Variants in LHX4 observed in about 807,000 individuals in gnomAD.
The protein encoded by LHX4 is LIM homeobox 4, also known as LIM/homeobox protein Lhx4.
In LHX4, 16 loss-of-function variants were observed where a neutral mutation model predicts 39.2. That is an observed-to-expected ratio of 0.41 (90% confidence interval 0.28 to 0.62). The LOEUF is 0.62. Ranked by LOEUF, LHX4 falls within the 20% of genes least tolerant of loss-of-function variation. LHX4 has a pLI of 0.33. For missense variants in LHX4, 439 were observed against 511.9 expected (o/e 0.86, Z 1.37); for synonymous variants, 206 against 198.1 (o/e 1.04, Z -0.33).
intron 2 of LHX4, among the ~76,000 whole-genome samples, chr1:180,259,013 A>T (rs1195843596): frequency 6.6e-6 from 1 of 151,454 alleles, no homozygotes; most frequent in Non-Finnish European, 1.5e-5. Context: ...TTGGTTTTGG[A>T]CTCCAAATCC....
At chr1:180,237,798 C>A (rs191957099) in intron 1 of LHX4, among the ~76,000 whole-genome samples, 83 of 152,300 alleles carry the variant, frequency 5.4e-4, no homozygotes, top group Non-Finnish European at 1.1e-3. Context: ...ACAAAACTTG[C>A]AGCCAAATTA....
chr1:180,269,289 G>C (rs2149264638), intron 3 of LHX4, among the ~76,000 whole-genome samples: 1 of 152,216 alleles, frequency 6.6e-6, no homozygotes, highest in Admixed American at 6.5e-5. Context: ...GGTATCATGG[G>C]CTCCCTTGGC....
chr1:180,238,688 T>C (rs903579440), intron 1 of LHX4, among the ~76,000 whole-genome samples: 1 of 152,194 alleles, frequency 6.6e-6, no homozygotes, highest in Non-Finnish European at 1.5e-5. Context: ...GTTGTGAAAA[T>C]CCCTTAAGAG....
At chr1:180,257,512 C>T (rs57529437) in intron 2 of LHX4, among the ~76,000 whole-genome samples, 22 of 152,302 alleles carry the variant, frequency 1.4e-4, no homozygotes, top group African/African-American at 4.6e-4. Flanking sequence ...CTGGAGAAGG[C>T]TGCCCATTCT....
intron 2 of LHX4, among the ~76,000 whole-genome samples, chr1:180,258,683 T>C (rs1001580092): frequency 6.6e-6 from 1 of 152,102 alleles, no homozygotes; most frequent in East Asian, 1.9e-4. Flanking sequence ...TCACTTCTAT[T>C]GTCTCACCTA....
At chr1:180,243,587 G>A (rs770454086) in intron 1 of LHX4, among the ~76,000 whole-genome samples, 3 of 152,014 alleles carry the variant, frequency 2.0e-5, no homozygotes, top group Non-Finnish European at 2.9e-5. Context: ...CTGGAGTGTG[G>A]GGTCTGAGTT....
In LHX4 at chr1:180,234,169, T is replaced by TTTTATATATA; in HGVS notation, c.76+3565_76+3566insTTATATATAT. Among the ~76,000 whole-genome samples, 1 of 53,610 alleles carries TTTTATATATA rather than the reference T, an allele frequency of 1.9e-5. No individual in the cohort carries two copies. Among genetic ancestry groups the TTTTATATATA allele is most frequent in the Admixed American group, 2.5e-4 (1 of 4,012 alleles). The allele number at this position is 53,610 out of a possible 152,430, so 35.2% of individuals were successfully genotyped here. On this transcript the variant is annotated intron_variant, in intron 1 of 5. Transcript: ENST00000263726. The surrounding 1 kb of genome is among the most constrained non-coding windows in gnomAD (Gnocchi z 4.8). ...AACAGACACACACAACACACACAAATTATATATATATATATATATATATAT... is the reference window on the plus strand; with the variant it reads ...AACAGACACACACAACACACACAAATTTTATATATATATATATATATATATATATATATAT...
intron 1 of LHX4, among the ~76,000 whole-genome samples, chr1:180,235,385 C>A (rs775644139): frequency 1.3e-5 from 2 of 152,234 alleles, no homozygotes; most frequent in African/African-American, 2.4e-5. Flanking sequence ...CGAGTGCGGA[C>A]GGCGCGCCCA....
At chr1:180,242,639 C>T (rs72712969) in intron 1 of LHX4, among the ~76,000 whole-genome samples, 3 of 152,054 alleles carry the variant, frequency 2.0e-5, no homozygotes, top group Non-Finnish European at 2.9e-5. Flanking sequence ...CTCTGGTGGG[C>T]GGGCCTTGCA....
In LHX4 at chr1:180,274,717, C is replaced by T. The variant is rs1648923105; in HGVS notation, c.*138C>T. 2 of 1,060,212 alleles carry T rather than the reference C, an allele frequency of 1.9e-6. No homozygotes were observed. Among genetic ancestry groups the T allele is most frequent in the Non-Finnish European group, 2.7e-6 (2 of 745,458 alleles). 65.7% of individuals were successfully genotyped at this position (1,060,212 alleles called of 1,614,324 possible). ...TTTCAATGGAAGTCCTCCGCTGATT[C>T]CTAGAAGGCTGTGAGACCACACTAG... On this transcript the variant is annotated 3_prime_UTR_variant, in exon 6 of 6. Transcript: ENST00000263726.
In LHX4 at chr1:180,233,848, G is replaced by A. The variant is rs12121173; in HGVS notation, c.76+3243G>A. ...CCTCCTTGTCTCCTAAAATGCTTCC[G>A]GCAAGCTCTGGCGAACCCCGAAGCT... On this transcript the variant is annotated intron_variant, in intron 1 of 5. Transcript: ENST00000263726. 4.2e-3 allele frequency among the ~76,000 whole-genome samples: 639 copies of A among 152,014 alleles called. 1 individual carries two copies. The highest frequency in any genetic ancestry group is 9.4e-3 in the Admixed American group (144 of 15,276).
intron 2 of LHX4, among the ~76,000 whole-genome samples, chr1:180,260,777 C>T (rs548228460): frequency 6.6e-6 from 1 of 151,858 alleles, no homozygotes; most frequent in Admixed American, 6.5e-5. Flanking sequence ...AGGCCCTCTC[C>T]TCGAGCTCCA....
In LHX4 at chr1:180,234,169, T is replaced by TTATATATATATATATA. The variant is rs777438399; in HGVS notation, c.76+3601_76+3616dup. Among the ~76,000 whole-genome samples, 7 of 53,592 alleles carry TTATATATATATATATA rather than the reference T, an allele frequency of 1.3e-4. No homozygotes were observed. Among genetic ancestry groups the TTATATATATATATATA allele is most frequent in the Admixed American group, 7.5e-4 (3 of 4,004 alleles). 35.2% of individuals were successfully genotyped at this position (53,592 alleles called of 152,430 possible). A position where few individuals can be genotyped will look rare whatever the true frequency, so the allele number is the denominator to read the frequency against. On this transcript the variant is annotated intron_variant, in intron 1 of 5. Coordinates refer to ENST00000263726, the MANE Select transcript of LHX4 (RefSeq NM_033343.4). This position sits in a 1 kb window ranked among gnomAD's most constrained non-coding sequence, Gnocchi z 4.8. ...AACAGACACACACAACACACACAAA[T>TTATATATATATATATA]TATATATATATATATATATATATAT...
At chr1:180,249,988 C>T (rs935457725) in intron 2 of LHX4, among the ~76,000 whole-genome samples, 1 of 151,516 alleles carries the variant, frequency 6.6e-6, no homozygotes, top group African/African-American at 2.4e-5. Flanking sequence ...TGTGAGTGAG[C>T]GTGTGAATGT....
intron 5 of LHX4, 23 bp from the exon 6 acceptor site, chr1:180,274,162 A>C (rs757413542): frequency 1.2e-6 from 2 of 1,613,930 alleles, no homozygotes; most frequent in Non-Finnish European, 1.7e-6. Flanking sequence ...GCTGACAATA[A>C]ATCTCCGTTC....
In LHX4 at chr1:180,234,859, G is replaced by A. The variant is rs1413105893; in HGVS notation, c.76+4254G>A. ...GAGTGGCGTCCTAGGGTCTGGGAGC[G>A]CGACCCACATGACCTCGCTACGACC... On this transcript the variant is annotated intron_variant, in intron 1 of 5. Coordinates refer to ENST00000263726, the MANE Select transcript of LHX4 (RefSeq NM_033343.4). This position sits in a 1 kb window ranked among gnomAD's most constrained non-coding sequence, Gnocchi z 4.8. Among the ~76,000 whole-genome samples the A allele has an allele frequency of 1.3e-5, 2 of 152,248 alleles. No individual in the cohort carries two copies. Among genetic ancestry groups the A allele is most frequent in the Non-Finnish European group, 2.9e-5 (2 of 68,042 alleles).
intron 5 of LHX4, chr1:180,273,458 A>G (rs954846181): frequency 6.5e-5 from 10 of 152,762 alleles, no homozygotes; most frequent in African/African-American, 2.4e-4. Context: ...CCCTGGGCTG[A>G]CCTATCATTG....
rs1664252186 is a variant in LHX4, at chr1:180,234,183, A to G, written c.76+3578A>G. 2.8e-5 allele frequency among the ~76,000 whole-genome samples: 1 copy of G among 35,120 alleles called. No individual in the cohort carries two copies. Among genetic ancestry groups the G allele is most frequent in the Non-Finnish European group, 6.0e-5 (1 of 16,760 alleles). 23.0% of individuals were successfully genotyped at this position (35,120 alleles called of 152,430 possible). On this transcript the variant is annotated intron_variant, in intron 1 of 5. Transcript: ENST00000263726. This position sits in a 1 kb window ranked among gnomAD's most constrained non-coding sequence, Gnocchi z 4.8. ...ACACACACAAATTATATATATATAT[A>G]TATATATATATATATATATATATAT...
At chr1:180,268,296 C>T (rs973722337) in intron 3 of LHX4, among the ~76,000 whole-genome samples, 7 of 152,184 alleles carry the variant, frequency 4.6e-5, no homozygotes, top group Non-Finnish European at 7.3e-5. Context: ...TCAGAGGCCT[C>T]ATTTGGACTC....
Sources: allele counts gnomAD v4.1 joint callset (sites outside exome capture counted in the v4.1 genomes callset), GRCh38; gene constraint gnomAD v4.1.1; non-coding constraint Gnocchi (gnomAD v3.1); transcripts MANE v1.5; gene names NCBI Gene and HGNC (gene_info 2026-07-23, HGNC 2026-07-21).